The following TENM4 variants were observed in gnomAD, a reference collection of about 807,000 sequenced individuals.
TENM4 encodes the protein teneurin transmembrane protein 4, also known as teneurin-4.
A neutral mutation model predicts 243.3 loss-of-function variants in TENM4; 82 were observed. That is an observed-to-expected ratio of 0.34 (90% confidence interval 0.28 to 0.40). The LOEUF (loss-of-function observed/expected upper bound fraction) is 0.40, where lower values mean the gene tolerates loss of function less well. Ranked by LOEUF, TENM4 falls within the 10% of genes least tolerant of loss-of-function variation. The pLI is 1.00. For missense variants in TENM4, 3,138 were observed against 3,673.3 expected, an observed-to-expected ratio of 0.85 and a Z score of 3.77; for synonymous variants, 1,412 against 1,456.3, an observed-to-expected ratio of 0.97 and a Z score of 0.69.
chr11:78,694,629 CCAGT>C (rs1314438599), intron 28 of TENM4, among the ~76,000 whole-genome samples: 4 of 152,178 alleles, frequency 2.6e-5, no homozygotes, highest in Non-Finnish European at 5.9e-5. Context: ...TGTCACACAG[CCAGT>C]CAGTCTCTGT....
intron 6 of TENM4, among the ~76,000 whole-genome samples, chr11:78,956,599 T>A (rs961485172): frequency 6.6e-6 from 1 of 152,214 alleles, no homozygotes; most frequent in Non-Finnish European, 1.5e-5. Flanking sequence ...GTTTTCAAGT[T>A]ATCTAGTTAT....
At chr11:79,270,083 C>G (rs376165926) in intron 2 of TENM4, among the ~76,000 whole-genome samples, 30 of 152,152 alleles carry the variant, frequency 2.0e-4, no homozygotes, top group South Asian at 8.3e-4. Flanking sequence ...GGATTTGTCC[C>G]CAGGTTCCCA....
At chr11:79,424,539 A>G (rs1859005689) in intron 1 of TENM4, among the ~76,000 whole-genome samples, 1 of 152,124 alleles carries the variant, frequency 6.6e-6, no homozygotes, top group African/African-American at 2.4e-5. Context: ...ATTTAAGCTC[A>G]GGAGAATCAA....
At chr11:79,217,509 G>A (rs910308358) in intron 2 of TENM4, among the ~76,000 whole-genome samples, 3 of 152,118 alleles carry the variant, frequency 2.0e-5, no homozygotes, top group Non-Finnish European at 4.4e-5. Flanking sequence ...TTTATTATAA[G>A]GTGAGGAATT....
chr11:79,324,930 A>T (rs1244385138), intron 1 of TENM4, among the ~76,000 whole-genome samples: 2 of 151,860 alleles, frequency 1.3e-5, no homozygotes, highest in Admixed American at 1.3e-4. Context: ...AGAAGGGACC[A>T]CTCCCAAGAG....
rs374390252 is a variant in TENM4 at position 79,175,610 on chromosome 11, T to A, written c.-162-26804A>T. Among the ~76,000 whole-genome samples the A allele has an allele frequency of 1.3e-3, 201 of 152,328 alleles. 2 individuals are homozygous for A. The South Asian group carries it at 0.039, about 29-fold the overall frequency. On this transcript the variant is annotated intron_variant, in intron 3 of 33. Coordinates refer to ENST00000278550, the MANE Select transcript of TENM4 (RefSeq NM_001098816.3). The stretch of plus-strand genomic sequence containing the variant: ...TCACAAAATTTAATGTGGAATGCAG[T>A]CCTATTTTTAGAAATTAAAGGCAAA...
intron 1 of TENM4, among the ~76,000 whole-genome samples, chr11:79,376,549 T>C (rs1381068668): frequency 6.6e-6 from 1 of 152,238 alleles, no homozygotes; most frequent in African/African-American, 2.4e-5. Context: ...CTTGCTATAG[T>C]CTATATAATA....
intron 16 of TENM4, 113 bp from the exon 17 acceptor site, chr11:78,778,741 G>T: frequency 2.1e-6 from 2 of 966,846 alleles, no homozygotes; most frequent in Non-Finnish European, 3.2e-6. Flanking sequence ...CCACGTTTGG[G>T]ACAGGCCTAT....
intron 4 of TENM4, among the ~76,000 whole-genome samples, chr11:79,124,196 A>G (rs1333976206): frequency 6.6e-6 from 1 of 152,150 alleles, no homozygotes; most frequent in Non-Finnish European, 1.5e-5. Context: ...GTTTTCTTCC[A>G]CAATGGTGTG....
intron 2 of TENM4, among the ~76,000 whole-genome samples, chr11:79,239,007 A>T (rs141104195): frequency 6.6e-6 from 1 of 150,850 alleles, no homozygotes; most frequent in African/African-American, 2.4e-5. Context: ...CCTCAGTAAC[A>T]GAGCAAGACT....
intron 2 of TENM4, among the ~76,000 whole-genome samples, chr11:79,248,533 A>T (rs192863409): frequency 6.6e-6 from 1 of 152,330 alleles, no homozygotes; most frequent in African/African-American, 2.4e-5. Context: ...TCATCCCTAA[A>T]GTCATTTTGC....
chr11:78,884,416 G>A (rs1406638095), intron 9 of TENM4, among the ~76,000 whole-genome samples: 2 of 151,668 alleles, frequency 1.3e-5, no homozygotes, highest in Non-Finnish European at 2.9e-5. Context: ...ATACAGCCAG[G>A]GTCTGAGGTG....
chr11:79,249,886 C>T (rs1369969181), intron 2 of TENM4, among the ~76,000 whole-genome samples: 1 of 152,242 alleles, frequency 6.6e-6, no homozygotes, highest in Non-Finnish European at 1.5e-5. Flanking sequence ...GCTGAACAGG[C>T]AATTTCTATG....
chr11:78,673,321 G>A (rs910905010), intron 30 of TENM4, among the ~76,000 whole-genome samples: 3 of 152,178 alleles, frequency 2.0e-5, no homozygotes, highest in African/African-American at 7.2e-5. Flanking sequence ...CTAAAATACT[G>A]GTTTCCGCTA....
At chr11:78,820,386 C>T (rs1460818713) in intron 12 of TENM4, among the ~76,000 whole-genome samples, 1 of 152,184 alleles carries the variant, frequency 6.6e-6, no homozygotes, top group Non-Finnish European at 1.5e-5. Flanking sequence ...CAGCATTTGG[C>T]CTGGACCAGA....
chr11:79,161,478 C>T (rs996107250), intron 3 of TENM4, among the ~76,000 whole-genome samples: 11 of 152,174 alleles, frequency 7.2e-5, no homozygotes, highest in African/African-American at 2.4e-4. Flanking sequence ...CAACGAGGGG[C>T]TCCTTACCAG....
intron 11 of TENM4, 70 bp from the exon 12 acceptor site, chr11:78,854,384 T>C: frequency 7.4e-7 from 1 of 1,358,556 alleles, no homozygotes; most frequent in Non-Finnish European, 9.7e-7. Flanking sequence ...TCCCGGGGCT[T>C]CTCCTGGAGA....
chr11:78,720,250 C>T (rs1859614319), intron 25 of TENM4, 120 bp downstream of exon 25: 2 of 1,167,782 alleles, frequency 1.7e-6, no homozygotes, highest in Non-Finnish European at 2.6e-6. Flanking sequence ...TTACCCCAAT[C>T]AGTTCCAATC....
intron 12 of TENM4, among the ~76,000 whole-genome samples, chr11:78,821,110 T>G (rs1181098157): frequency 6.6e-6 from 1 of 152,252 alleles, no homozygotes; most frequent in East Asian, 1.9e-4. Flanking sequence ...ACATTTGAAT[T>G]GGAAGATCTG....
Sources: allele counts gnomAD v4.1 joint callset (sites outside exome capture counted in the v4.1 genomes callset), GRCh38; gene constraint gnomAD v4.1.1; transcripts MANE v1.5; gene names NCBI Gene and HGNC (gene_info 2026-07-23, HGNC 2026-07-21).